Variants in CUX1 observed in about 807,000 individuals in gnomAD.
The protein encoded by CUX1 is cut like homeobox 1.
In CUX1, 31 loss-of-function variants were observed where a neutral mutation model predicts 158.8. The ratio of observed to expected loss-of-function variants is 0.20; its 90% CI spans 0.15 to 0.26. CUX1 has a LOEUF of 0.26. Ranked by LOEUF, CUX1 falls within the 10% of genes least tolerant of loss-of-function variation. CUX1 has a pLI of 1.00. For missense variants in CUX1, 1,589 were observed against 2,014.6 expected (o/e 0.79, Z 4.04); for synonymous variants, 879 against 862.1 (o/e 1.02, Z -0.34).
intron 4 of CUX1, among the ~76,000 whole-genome samples, chr7:102,077,955 C>G (rs1006057231): frequency 6.6e-6 from 1 of 151,790 alleles, no homozygotes; most frequent in Non-Finnish European, 1.5e-5. Context: ...ATTCAACTTG[C>G]AATCTTAGTT....
At chr7:101,868,359 C>T (rs1358273574) in intron 1 of CUX1, among the ~76,000 whole-genome samples, 1 of 152,208 alleles carries the variant, frequency 6.6e-6, no homozygotes, top group Non-Finnish European at 1.5e-5. Context: ...TGAGCCTTGG[C>T]CTCATCTTGG....
chr7:102,009,414 C>T (rs1379141712), intron 2 of CUX1, among the ~76,000 whole-genome samples: 1 of 152,212 alleles, frequency 6.6e-6, no homozygotes, highest in Non-Finnish European at 1.5e-5. Flanking sequence ...TGCAGAGCGG[C>T]TCATTTCTAA....
At chr7:101,927,001 A>G (rs373896793) in intron 2 of CUX1, among the ~76,000 whole-genome samples, 1 of 152,184 alleles carries the variant, frequency 6.6e-6, no homozygotes, top group Non-Finnish European at 1.5e-5. Flanking sequence ...CAAATGATGC[A>G]CAAGATAATT....
chr7:101,896,797 T>C (rs1801567336), intron 1 of CUX1, among the ~76,000 whole-genome samples: 3 of 152,268 alleles, frequency 2.0e-5, no homozygotes, highest in Admixed American at 2.0e-4. Flanking sequence ...ACAAACTAAA[T>C]ATGAAGTTTT....
chr7:102,019,507 G>T (rs181866063), intron 2 of CUX1, among the ~76,000 whole-genome samples: 32 of 152,316 alleles, frequency 2.1e-4, no homozygotes, highest in African/African-American at 7.2e-4. Flanking sequence ...TTACAGGTAT[G>T]AGCCACCATG....
intron 1 of CUX1, among the ~76,000 whole-genome samples, chr7:101,847,109 A>C (rs776351219): frequency 6.6e-6 from 1 of 152,108 alleles, no homozygotes; most frequent in Non-Finnish European, 1.5e-5. Context: ...CTACCACTGC[A>C]CTCTAGGTTG....
chr7:102,249,554 T>C lies in CUX1; in HGVS notation c.*512T>C. ...CTTACAGCTTTGCCTTGTGTCCTCCTGTTCCGTGTGGGCTTTAAAAGAAAA... is the reference window on the plus strand; with the variant it reads ...CTTACAGCTTTGCCTTGTGTCCTCCCGTTCCGTGTGGGCTTTAAAAGAAAA... On this transcript the variant is annotated 3_prime_UTR_variant, in exon 24 of 24. Coordinates refer to ENST00000292535, the MANE Select transcript of CUX1 (RefSeq NM_181552.4). 1.0e-6 allele frequency: 1 copy of C among 985,874 alleles called. No individual in the cohort carries two copies. Among genetic ancestry groups the C allele is most frequent in the Non-Finnish European group, 1.2e-6 (1 of 829,942 alleles). 61.1% of individuals were successfully genotyped at this position (985,874 alleles called of 1,614,324 possible).
At chr7:101,823,963 T>G (rs1470478601) in intron 1 of CUX1, among the ~76,000 whole-genome samples, 6 of 152,350 alleles carry the variant, frequency 3.9e-5, no homozygotes, top group Middle Eastern at 3.4e-3. Context: ...CACAAAAGCT[T>G]CTTTCCATTT....
intron 1 of CUX1, among the ~76,000 whole-genome samples, chr7:101,854,418 G>T (rs1327437155): frequency 6.6e-6 from 1 of 152,106 alleles, no homozygotes; most frequent in Non-Finnish European, 1.5e-5. Flanking sequence ...AGGAAGCAGT[G>T]GGGGCTTTGG....
At chr7:101,816,950 G>T (rs1791887790), upstream of CUX1, 1 of 982,746 alleles carries the variant, frequency 1.0e-6, no homozygotes, top group Non-Finnish European at 1.2e-6. Flanking sequence ...CCCGGGGAGC[G>T]CCCCGGGGCC....
chr7:102,215,037 T>G (rs1213261308), intron 20 of CUX1, among the ~76,000 whole-genome samples: 1 of 152,122 alleles, frequency 6.6e-6, no homozygotes, highest in African/African-American at 2.4e-5. Flanking sequence ...GCAGCACCTC[T>G]GAACCCAGGA....
At chr7:102,075,423 C>T (rs948273044) in intron 4 of CUX1, among the ~76,000 whole-genome samples, 1 of 152,200 alleles carries the variant, frequency 6.6e-6, no homozygotes, top group Non-Finnish European at 1.5e-5. Context: ...ACACACACAC[C>T]CTGGCCGGGG....
intron 2 of CUX1, among the ~76,000 whole-genome samples, chr7:101,987,302 G>A (rs1814439724): frequency 6.6e-6 from 1 of 152,178 alleles, no homozygotes; most frequent in Non-Finnish European, 1.5e-5. Flanking sequence ...GTCCTAATGT[G>A]GAACTCCCCA....
intron 2 of CUX1, among the ~76,000 whole-genome samples, chr7:101,977,704 G>T (rs890864839): frequency 1.3e-5 from 2 of 152,106 alleles, no homozygotes; most frequent in African/African-American, 4.8e-5. Flanking sequence ...CCAGGAGGCA[G>T]AGGCTGCAGT....
chr7:101,916,649 T>A lies in CUX1; in HGVS notation c.141+424T>A, dbSNP rs1004084590. On this transcript the variant is annotated intron_variant, in intron 2 of 23. Coordinates refer to ENST00000292535, the MANE Select transcript of CUX1 (RefSeq NM_181552.4). The surrounding 1 kb of genome is among the most constrained non-coding windows in gnomAD (Gnocchi z 4.4). ...CTGTTGCTGGTGCAGGCGGAGTGTC[T>A]GAAGGCTGCACGCATCTGGGCATAG... 1 of 203,718 alleles carries A rather than the reference T, an allele frequency of 4.9e-6. No homozygotes were observed. Among genetic ancestry groups the A allele is most frequent in the South Asian group, 8.4e-5 (1 of 11,904 alleles). The allele number at this position is 203,718 out of a possible 1,614,324, so 12.6% of individuals were successfully genotyped here. A position where few individuals can be genotyped will look rare whatever the true frequency, so the allele number is the denominator to read the frequency against.
intron 8 of CUX1, chr7:102,153,674 C>G (rs180802040): frequency 6.6e-6 from 1 of 152,388 alleles, no homozygotes; most frequent in Admixed American, 6.5e-5. Context: ...TCCTTCAATT[C>G]GCTTGAGAGA....
intron 1 of CUX1, among the ~76,000 whole-genome samples, chr7:101,852,880 G>A (rs1027647132): frequency 8.6e-5 from 13 of 151,912 alleles, no homozygotes; most frequent in Non-Finnish European, 1.9e-4. Context: ...GTTTCATCAT[G>A]TTGCCCAGGC....
intron 2 of CUX1, among the ~76,000 whole-genome samples, chr7:101,962,210 A>G (rs1014787409): frequency 1.3e-5 from 2 of 152,146 alleles, no homozygotes; most frequent in Non-Finnish European, 2.9e-5. Flanking sequence ...GAAAACACAA[A>G]TGTATCGATT....
rs71123030 is a variant in CUX1 at position 102,269,572 on chromosome 7, A to ATTT, written c.1256-3773_1256-3771dup. Among the ~76,000 whole-genome samples the ATTT allele has an allele frequency of 1.5e-3, 163 of 107,752 alleles. 1 individual carries two copies. The highest frequency in any genetic ancestry group is 6.7e-3 in the Middle Eastern group (1 of 150). 70.7% of individuals were successfully genotyped at this position (107,752 alleles called of 152,430 possible). A position where few individuals can be genotyped will look rare whatever the true frequency, so the allele number is the denominator to read the frequency against. ...AGGGGTCCGCCACCATGCCCGGCTA[A>ATTT]TTTTTTTTTTTTTTTTTTTTTTTGT... is the stretch of plus-strand genomic sequence containing the variant. On this transcript the variant is annotated intron_variant, in intron 14 of 22. Coordinates refer to the CUX1 transcript ENST00000292538.
Sources: allele counts gnomAD v4.1 joint callset (sites outside exome capture counted in the v4.1 genomes callset), GRCh38; gene constraint gnomAD v4.1.1; non-coding constraint Gnocchi (gnomAD v3.1); transcripts MANE v1.5; gene names NCBI Gene and HGNC (gene_info 2026-07-23, HGNC 2026-07-21).